The following SETD3 variants were observed in gnomAD, a reference collection of about 807,000 sequenced individuals.
The protein encoded by SETD3 is actin-histidine N-methyltransferase.
A neutral mutation model predicts 63.0 loss-of-function variants in SETD3; 19 were observed. The ratio of observed to expected loss-of-function variants is 0.30; its 90% CI spans 0.21 to 0.44. SETD3 has a LOEUF of 0.44. SETD3 is among the 20% of genes least tolerant of loss of function. SETD3 has a pLI of 1.00. For synonymous variants in SETD3, 286 were observed against 264.1 expected, an observed-to-expected ratio of 1.08 and a Z score of -0.80; for missense variants, 587 against 728.5, an observed-to-expected ratio of 0.81 and a Z score of 2.24.
chr14:99,474,640 G>A (rs1246679446), intron 1 of SETD3, among the ~76,000 whole-genome samples: 2 of 152,086 alleles, frequency 1.3e-5, no homozygotes, highest in African/African-American at 2.4e-5. Context: ...CGAGGCGGAC[G>A]GATCGCCTGA....
At chr14:99,452,601 C>G (rs1429512638) in intron 6 of SETD3, among the ~76,000 whole-genome samples, 1 of 152,136 alleles carries the variant, frequency 6.6e-6, no homozygotes, top group Admixed American at 6.5e-5. Context: ...ACAGAGAAAT[C>G]GACACAAAGA....
At chr14:99,400,078 T>A in intron 12 of SETD3, 21 bp downstream of exon 12, 9 of 1,583,618 alleles carry the variant, frequency 5.7e-6, no homozygotes, top group Non-Finnish European at 7.7e-6. Flanking sequence ...GTTCAAAACC[T>A]CATTTATTTA....
intron 6 of SETD3, among the ~76,000 whole-genome samples, chr14:99,449,804 T>G (rs1287050789): frequency 6.6e-6 from 1 of 152,242 alleles, no homozygotes; most frequent in Non-Finnish European, 1.5e-5. Flanking sequence ...ATGTTAACTT[T>G]AAGTGAAGCT....
In SETD3 at chr14:99,412,990, C is replaced by G; in HGVS notation, c.810G>C (p.Leu270=). 2 of 1,614,056 alleles carry G rather than the reference C, an allele frequency of 1.2e-6. No individual in the cohort carries two copies. The highest frequency in any genetic ancestry group is 1.1e-5 in the South Asian group (1 of 91,082). The change falls in exon 8 of 13, where the codon CTG becomes CTC. Residue 270 remains leucine, a synonymous_variant. Transcript: ENST00000331768. ...TEDGSRVTLA[L]IPLWDMCNHT... ...GGTTACACATATCCCATAAAGGAAT[C>G]AGAGCCAGGGTCACGCGGGAACCAT... is the stretch of plus-strand genomic sequence containing the variant.
At chr14:99,466,618 C>G (rs1895394057) in intron 1 of SETD3, among the ~76,000 whole-genome samples, 15 of 148,892 alleles carry the variant, frequency 1.0e-4, no homozygotes, top group African/African-American at 3.8e-4. Flanking sequence ...TGAAGAATGG[C>G]GGGGGGGGGG....
At chr14:99,466,485 C>T (rs1421513029) in intron 1 of SETD3, among the ~76,000 whole-genome samples, 1 of 152,320 alleles carries the variant, frequency 6.6e-6, no homozygotes. Context: ...TATTTTCACA[C>T]GCAGATGAGA....
chr14:99,482,011 C>T (rs907338533), upstream of SETD3, among the ~76,000 whole-genome samples: 1 of 152,190 alleles, frequency 6.6e-6, no homozygotes, highest in Non-Finnish European at 1.5e-5. Context: ...CAGACATCGT[C>T]TTTACGGACC....
chr14:99,444,426 G>A (rs1463444636), intron 6 of SETD3: 1 of 152,190 alleles, frequency 6.6e-6, no homozygotes, highest in Non-Finnish European at 1.5e-5. Context: ...CTATGGCACT[G>A]TAGGATGGCC....
intron 1 of SETD3, among the ~76,000 whole-genome samples, chr14:99,467,207 C>T (rs935451135): frequency 6.6e-6 from 1 of 152,204 alleles, no homozygotes; most frequent in East Asian, 1.9e-4. Context: ...TTCTAAAAAT[C>T]AGTGTAAAAT....
At chr14:99,450,543 T>G (rs1287160088) in intron 6 of SETD3, among the ~76,000 whole-genome samples, 1 of 152,188 alleles carries the variant, frequency 6.6e-6, no homozygotes, top group African/African-American at 2.4e-5. Flanking sequence ...GCCACTCAGC[T>G]CTGGCTAGGT....
chr14:99,436,146 T>C (rs1006303716), intron 6 of SETD3, among the ~76,000 whole-genome samples: 1 of 152,078 alleles, frequency 6.6e-6, no homozygotes, highest in Non-Finnish European at 1.5e-5. Flanking sequence ...GCCTCCATGA[T>C]TCACCTGCCT....
chr14:99,461,154 C>A (rs778237853), intron 4 of SETD3, 38 bp downstream of exon 4: 1 of 1,610,418 alleles, frequency 6.2e-7, no homozygotes, highest in Admixed American at 1.7e-5. Context: ...ACAGTTCAAA[C>A]ACATAGACCC....
At chr14:99,483,226 C>G (rs1344476308), upstream of SETD3, among the ~76,000 whole-genome samples, 3 of 152,008 alleles carry the variant, frequency 2.0e-5, no homozygotes, top group East Asian at 5.8e-4. Flanking sequence ...AGAGCTGATT[C>G]CCTGAAGCCA....
chr14:99,399,646 A>G (rs1257966275), intron 12 of SETD3, among the ~76,000 whole-genome samples: 1 of 152,198 alleles, frequency 6.6e-6, no homozygotes, highest in Non-Finnish European at 1.5e-5. Context: ...CAATGCCTAA[A>G]TATGATTTTT....
rs1352033107 is a variant in SETD3, at chr14:99,480,316, G to A, written c.-9+412C>T. Among the ~76,000 whole-genome samples the A allele has an allele frequency of 3.9e-5, 6 of 152,174 alleles. No homozygotes were observed. In the East Asian group the frequency reaches 7.8e-4, roughly 20 times the overall value. On this transcript the variant is annotated intron_variant, in intron 1 of 12. Transcript: ENST00000331768. Reference sequence around the variant, plus strand: ...CGAGCCGACTAGCGCGAGGGGCCCGGGCCCCACCCGAGAGCAGGCGCGAGG... The same window carrying A: ...CGAGCCGACTAGCGCGAGGGGCCCGAGCCCCACCCGAGAGCAGGCGCGAGG...
chr14:99,445,967 A>G (rs910841426), intron 6 of SETD3, among the ~76,000 whole-genome samples: 1 of 152,216 alleles, frequency 6.6e-6, no homozygotes, highest in Non-Finnish European at 1.5e-5. Context: ...GGGAGGGCCC[A>G]GGACAAGTAA....
In SETD3 at chr14:99,461,338, G is replaced by T. The variant is rs1895051437; in HGVS notation, c.199C>A (p.Leu67Met). 1 of 1,611,482 alleles carries T rather than the reference G, an allele frequency of 6.2e-7. No individual in the cohort carries two copies. The highest frequency in any genetic ancestry group is 8.5e-7 in the Non-Finnish European group (1 of 1,179,412). The change falls in exon 4 of 13, where the codon CTG (leucine) becomes ATG (methionine). Residue 67 changes from leucine to methionine, a missense_variant and splice_region_variant. Physicochemically the swap from Leu to Met is conservative, Grantham distance 15 (BLOSUM62 2). Coordinates refer to ENST00000331768, the MANE Select transcript of SETD3 (RefSeq NM_032233.3). ...CTTTTTCCATCAAAAGTAACGGACAGACCTATATTAATCCACGTTTTAGAA... is the reference window on the plus strand; with the variant it reads ...CTTTTTCCATCAAAAGTAACGGACATACCTATATTAATCCACGTTTTAGAA... ...VEKIRKKQKG[L>M]SVTFDGKRED... is the part of the protein sequence containing the mutation.
rs749637092 is a variant in SETD3, at chr14:99,412,912, C to T, written c.849+39G>A. 5.0e-6 allele frequency: 7 copies of T among 1,393,036 alleles called. No homozygotes were observed. In the South Asian group the frequency reaches 8.1e-5, roughly 16 times the overall value. The allele number at this position is 1,393,036 out of a possible 1,614,324, so 86.3% of individuals were successfully genotyped here. A position where few individuals can be genotyped will look rare whatever the true frequency, so the allele number is the denominator to read the frequency against. On this transcript the variant is annotated intron_variant, in intron 8 of 12. Coordinates refer to ENST00000331768, the MANE Select transcript of SETD3 (RefSeq NM_032233.3). Reference sequence around the variant, plus strand: ...CCTCCCAAAGCTTAGCAACAACAGCCTCCCAGATTCAACACAACACAGGGG... The same window carrying T: ...CCTCCCAAAGCTTAGCAACAACAGCTTCCCAGATTCAACACAACACAGGGG...
intron 3 of SETD3, among the ~76,000 whole-genome samples, chr14:99,463,110 C>T (rs1306659495): frequency 2.0e-5 from 3 of 152,198 alleles, no homozygotes; most frequent in Non-Finnish European, 4.4e-5. Flanking sequence ...ATAAACCTTG[C>T]TAATGCATTA....
Sources: allele counts gnomAD v4.1 joint callset (sites outside exome capture counted in the v4.1 genomes callset), GRCh38; gene constraint gnomAD v4.1.1; transcripts MANE v1.5; gene names NCBI Gene and HGNC (gene_info 2026-07-23, HGNC 2026-07-21).